PRKCB: variants seen among roughly 807,000 people sequenced by gnomAD.
The protein encoded by PRKCB is protein kinase C beta.
Under a neutral mutation model 81.5 loss-of-function variants are expected in PRKCB, and 13 were observed. The observed-to-expected ratio is 0.16, with a 90% CI of 0.10 to 0.25. The LOEUF (loss-of-function observed/expected upper bound fraction) is 0.25. PRKCB is among the 10% of genes least tolerant of loss of function. The pLI, the probability that PRKCB is intolerant of heterozygous loss-of-function variation, is 1.00. For synonymous variants in PRKCB, 335 were observed against 321.4 expected (o/e 1.04, Z -0.45); for missense variants, 509 against 875.7 (o/e 0.58, Z 5.29).
Position 24,037,152 on chromosome 16 carries a change from C to T in PRKCB, c.529+1605C>T, listed in dbSNP as rs560460675. Among the ~76,000 whole-genome samples, 20 of 152,216 alleles carry T rather than the reference C, an allele frequency of 1.3e-4. No individual in the cohort carries two copies. In the South Asian group the frequency reaches 3.9e-3, roughly 30 times the overall value. On this transcript the variant is annotated intron_variant, in intron 5 of 16. Coordinates refer to ENST00000643927, the MANE Select transcript of PRKCB (RefSeq NM_002738.7). Reference sequence around the variant, plus strand: ...TACAGGCGCCCACCACCACGCCTGGCTAATATTTGTATTTTTAGTAGAGAC... The same window carrying T: ...TACAGGCGCCCACCACCACGCCTGGTTAATATTTGTATTTTTAGTAGAGAC...
chr16:24,005,940 C>A (rs1965112304), intron 3 of PRKCB, among the ~76,000 whole-genome samples: 1 of 152,222 alleles, frequency 6.6e-6, no homozygotes, highest in Non-Finnish European at 1.5e-5. Flanking sequence ...AGCGAAGCAG[C>A]AATGAGGGTT....
chr16:24,123,205 A>G (rs1024104085), intron 8 of PRKCB, among the ~76,000 whole-genome samples: 1 of 152,168 alleles, frequency 6.6e-6, no homozygotes, highest in Non-Finnish European at 1.5e-5. Context: ...GTGAACCCCA[A>G]GCTGGGTTGC....
At chr16:23,942,757 G>T (rs1359355998) in intron 2 of PRKCB, among the ~76,000 whole-genome samples, 3 of 152,116 alleles carry the variant, frequency 2.0e-5, no homozygotes, top group African/African-American at 7.2e-5. Context: ...TGCTTGACTA[G>T]CTCCCTTGAC....
At chr16:24,165,743 T>G (rs1967332025) in intron 10 of PRKCB, among the ~76,000 whole-genome samples, 1 of 152,198 alleles carries the variant, frequency 6.6e-6, no homozygotes, top group Non-Finnish European at 1.5e-5. Context: ...CATTTATGAC[T>G]TTAGTATGAA....
chr16:24,074,682 C>A (rs1017565732), intron 5 of PRKCB, among the ~76,000 whole-genome samples: 2 of 152,128 alleles, frequency 1.3e-5, no homozygotes, highest in African/African-American at 4.8e-5. Context: ...ATAAGATCTG[C>A]GTTCTGGGAA....
At chr16:24,079,449 G>A (rs1445022348) in intron 5 of PRKCB, among the ~76,000 whole-genome samples, 1 of 152,102 alleles carries the variant, frequency 6.6e-6, no homozygotes, top group Non-Finnish European at 1.5e-5. Flanking sequence ...TTTACACAAT[G>A]ATTTCTTTCT....
At chr16:24,037,665 G>A (rs1337335110) in intron 5 of PRKCB, among the ~76,000 whole-genome samples, 2 of 152,066 alleles carry the variant, frequency 1.3e-5, no homozygotes, top group East Asian at 3.9e-4. Flanking sequence ...GGGAGTCTTT[G>A]TTCTGATGTG....
At chr16:23,886,541 T>A (rs1597228636) in intron 2 of PRKCB, among the ~76,000 whole-genome samples, 1 of 150,822 alleles carries the variant, frequency 6.6e-6, no homozygotes, top group Non-Finnish European at 1.5e-5. Context: ...GCCTCCTGAG[T>A]AGCTGGGATT....
At chr16:23,982,793 T>C (rs936154234) in intron 2 of PRKCB, among the ~76,000 whole-genome samples, 1 of 152,120 alleles carries the variant, frequency 6.6e-6, no homozygotes, top group Admixed American at 6.5e-5. Context: ...GCCGGAGACA[T>C]CTTTTTCATT....
intron 2 of PRKCB, among the ~76,000 whole-genome samples, chr16:23,850,460 G>A (rs1394981779): frequency 1.3e-5 from 2 of 152,120 alleles, no homozygotes; most frequent in East Asian, 3.9e-4. Context: ...CCACCTCTCA[G>A]GTTCAAGACA....
chr16:23,960,253 A>G (rs1964407446), intron 2 of PRKCB, among the ~76,000 whole-genome samples: 1 of 152,182 alleles, frequency 6.6e-6, no homozygotes, highest in Admixed American at 6.5e-5. Flanking sequence ...ATACTTTATT[A>G]TACCCATACC....
intron 3 of PRKCB, among the ~76,000 whole-genome samples, chr16:24,019,477 A>G (rs1232793548): frequency 6.6e-6 from 1 of 152,146 alleles, no homozygotes; most frequent in Non-Finnish European, 1.5e-5. Context: ...AAAAAATACA[A>G]CCTTGGTCGG....
intron 2 of PRKCB, among the ~76,000 whole-genome samples, chr16:23,894,419 C>T (rs1178100915): frequency 1.3e-5 from 2 of 152,162 alleles, no homozygotes; most frequent in Non-Finnish European, 2.9e-5. Flanking sequence ...ACATTGCTCT[C>T]CAGAGAAATT....
chr16:23,964,299 T>A (rs1237100299), intron 2 of PRKCB, among the ~76,000 whole-genome samples: 1 of 152,184 alleles, frequency 6.6e-6, no homozygotes, highest in African/African-American at 2.4e-5. Context: ...GGCTTGTGGA[T>A]CCATGGACTG....
At chr16:24,133,108 T>C (rs138924531) in intron 9 of PRKCB, among the ~76,000 whole-genome samples, 1,661 of 152,318 alleles carry the variant, frequency 0.011, 13 homozygotes, top group Middle Eastern at 0.024. Flanking sequence ...CCAGGTGCAG[T>C]GGCTCACACC....
At chr16:24,094,995 G>A (rs1022802298) in intron 7 of PRKCB, among the ~76,000 whole-genome samples, 1 of 152,140 alleles carries the variant, frequency 6.6e-6, no homozygotes, top group Non-Finnish European at 1.5e-5. Context: ...AAAATCTGGG[G>A]CTAGAAGGCA....
At chr16:24,086,042 T>A (rs1056323099) in intron 5 of PRKCB, among the ~76,000 whole-genome samples, 9 of 152,052 alleles carry the variant, frequency 5.9e-5, no homozygotes, top group Non-Finnish European at 1.0e-4. Context: ...CGTTTGCTGG[T>A]TTTGTAATCA....
chr16:24,001,010 A>G (rs947708659), intron 3 of PRKCB, among the ~76,000 whole-genome samples: 33 of 150,256 alleles, frequency 2.2e-4, no homozygotes, highest in African/African-American at 5.7e-4. Context: ...TTTGGTAACT[A>G]TTCAATAGGA....
At position 24,014,453 on chromosome 16, in the gene PRKCB, G is replaced by A. The variant is rs57057676; in HGVS notation, c.289-17683G>A. Among the ~76,000 whole-genome samples the A allele has an allele frequency of 9.3e-3, 1,411 of 152,318 alleles. 17 individuals are homozygous for A. Among genetic ancestry groups the A allele is most frequent in the African/African-American group, 0.033 (1,360 of 41,554 alleles). ...CTCACTCTGTGAACAGCCTCCACCA[G>A]AACTCGAAGGCCCCCTGGGGAATAC... On this transcript the variant is annotated intron_variant, in intron 3 of 16. Transcript: ENST00000643927.
Sources: gnomAD v4.1 joint callset for allele counts (sites outside exome capture counted in the v4.1 genomes callset) on GRCh38, gnomAD v4.1.1 for gene constraint, MANE v1.5 for transcripts, NCBI Gene and HGNC (gene_info 2026-07-23, HGNC 2026-07-21) for gene names.